Variants in KCNH7 observed in about 807,000 individuals in gnomAD.
The protein encoded by KCNH7 is potassium voltage-gated channel subfamily H member 7.
Under a neutral mutation model 120.8 loss-of-function variants are expected in KCNH7, and 49 were observed. The observed-to-expected ratio is 0.41, with a 90% CI of 0.32 to 0.51. The LOEUF is 0.51. Among genes scored for constraint, KCNH7 ranks in the 20% least tolerant of loss-of-function variants. KCNH7 has a pLI of 0.38. For synonymous variants in KCNH7, 547 were observed against 516.1 expected (o/e 1.06, Z -0.81); for missense variants, 1,097 against 1,446.6 (o/e 0.76, Z 3.92).
intron 2 of KCNH7, among the ~76,000 whole-genome samples, chr2:162,790,959 A>G (rs911846842): frequency 9.2e-5 from 14 of 152,100 alleles, no homozygotes; most frequent in African/African-American, 3.4e-4. Flanking sequence ...AGTACTTGAA[A>G]TCTTAGCTGA....
chr2:162,420,929 A>T (rs565763582), intron 9 of KCNH7, among the ~76,000 whole-genome samples: 31 of 152,312 alleles, frequency 2.0e-4, no homozygotes, highest in African/African-American at 7.5e-4. Context: ...GGAGGTAAAA[A>T]AAATCCATTT....
At chr2:162,764,171 A>G (rs16847255) in intron 2 of KCNH7, among the ~76,000 whole-genome samples, 5,620 of 152,236 alleles carry the variant, frequency 0.037, 377 homozygotes, top group African/African-American at 0.13. Flanking sequence ...TGGAAAACTC[A>G]TGTCAGAGTA....
At chr2:162,430,576 G>A (rs1464416844) in intron 8 of KCNH7, among the ~76,000 whole-genome samples, 2 of 151,982 alleles carry the variant, frequency 1.3e-5, no homozygotes, top group Non-Finnish European at 2.9e-5. Context: ...AAGATAACAC[G>A]TGGCCCATAT....
At chr2:162,804,458 G>T (rs1390885971) in intron 2 of KCNH7, among the ~76,000 whole-genome samples, 1 of 151,732 alleles carries the variant, frequency 6.6e-6, no homozygotes, top group Non-Finnish European at 1.5e-5. Context: ...ATCAAATGAA[G>T]AACTTAATCT....
intron 2 of KCNH7, among the ~76,000 whole-genome samples, chr2:162,551,516 A>G (rs779867154): frequency 1.3e-5 from 2 of 152,174 alleles, no homozygotes; most frequent in Non-Finnish European, 2.9e-5. Flanking sequence ...GTCATTAATT[A>G]AAATTAGAAA....
intron 2 of KCNH7, among the ~76,000 whole-genome samples, chr2:162,734,905 A>G (rs16847212): frequency 0.038 from 5,713 of 152,248 alleles, 343 homozygotes; most frequent in African/African-American, 0.13. Context: ...TGAAAGCAAC[A>G]AACTTAGATG....
At position 162,648,250 on chromosome 2, in the gene KCNH7, G is replaced by C. The variant is rs190783534; in HGVS notation, c.308-111170C>G. Among the ~76,000 whole-genome samples the C allele has an allele frequency of 6.1e-3, 927 of 152,232 alleles. 12 individuals are homozygous for C. The highest frequency in any genetic ancestry group is 0.027 in the South Asian group (130 of 4,828). On this transcript the variant is annotated intron_variant, in intron 2 of 15. Transcript: ENST00000332142. ...TACAATCATGGTGGAAGGCAAAGGG[G>C]AAGCAAGCACATCTTCACATGGTGG...
At chr2:162,603,934 G>T (rs1694644362) in intron 2 of KCNH7, among the ~76,000 whole-genome samples, 1 of 151,992 alleles carries the variant, frequency 6.6e-6, no homozygotes, top group African/African-American at 2.4e-5. Flanking sequence ...ATACCTAATT[G>T]TGTTTAAATA....
At chr2:162,801,672 G>A (rs538607412) in intron 2 of KCNH7, among the ~76,000 whole-genome samples, 11 of 151,832 alleles carry the variant, frequency 7.2e-5, no homozygotes, top group East Asian at 5.8e-4. Context: ...TCATTGTGGC[G>A]GATTAGACTT....
chr2:162,500,155 G>T (rs1192494657), intron 6 of KCNH7, among the ~76,000 whole-genome samples: 1 of 147,308 alleles, frequency 6.8e-6, no homozygotes, highest in African/African-American at 2.5e-5. Flanking sequence ...TATACATATT[G>T]ATATACATTT....
chr2:162,830,247 G>T (rs1685429424), intron 2 of KCNH7, among the ~76,000 whole-genome samples: 1 of 152,052 alleles, frequency 6.6e-6, no homozygotes, highest in South Asian at 2.1e-4. Flanking sequence ...TATAGGTAAA[G>T]AAAAACTTCT....
At chr2:162,774,049 G>T (rs1291059277) in intron 2 of KCNH7, among the ~76,000 whole-genome samples, 1 of 152,086 alleles carries the variant, frequency 6.6e-6, no homozygotes, top group Non-Finnish European at 1.5e-5. Context: ...GAGCTCCAGT[G>T]TCATGGATTA....
chr2:162,531,006 C>A (rs1397715937), intron 3 of KCNH7, among the ~76,000 whole-genome samples: 1 of 151,794 alleles, frequency 6.6e-6, no homozygotes, highest in Non-Finnish European at 1.5e-5. Context: ...TAATCAAAAC[C>A]GATATACAGG....
chr2:162,517,262 T>A (rs1369602226), intron 4 of KCNH7, among the ~76,000 whole-genome samples: 1 of 151,800 alleles, frequency 6.6e-6, no homozygotes, highest in Non-Finnish European at 1.5e-5. Flanking sequence ...TGCACCCCTG[T>A]CAGCTTACAG....
chr2:162,810,867 C>A (rs947865318), intron 2 of KCNH7, among the ~76,000 whole-genome samples: 1 of 151,856 alleles, frequency 6.6e-6, no homozygotes, highest in Admixed American at 6.6e-5. Flanking sequence ...ACCTTCTTTT[C>A]GTAAATTAAA....
intron 2 of KCNH7, among the ~76,000 whole-genome samples, chr2:162,829,971 T>G (rs1482620938): frequency 6.6e-6 from 1 of 152,034 alleles, no homozygotes; most frequent in Non-Finnish European, 1.5e-5. Flanking sequence ...ACACAGAAAT[T>G]AATAAGACTT....
Position 162,608,018 on chromosome 2 carries a change from C to T in KCNH7, c.308-70938G>A, listed in dbSNP as rs115472221. 5.3e-3 allele frequency among the ~76,000 whole-genome samples: 809 copies of T among 152,224 alleles called. 7 individuals are homozygous for T. Among genetic ancestry groups the T allele is most frequent in the African/African-American group, 0.016 (680 of 41,534 alleles). On this transcript the variant is annotated intron_variant, in intron 2 of 15. Coordinates refer to ENST00000332142, the MANE Select transcript of KCNH7 (RefSeq NM_033272.4). ...TTTAGATGTTTCTAGACCTAATAAA[C>T]GTTCCAAATTTATATTTCCTAGACA... is the stretch of plus-strand genomic sequence containing the variant.
intron 2 of KCNH7, among the ~76,000 whole-genome samples, chr2:162,539,209 A>G (rs527681850): frequency 6.6e-6 from 1 of 152,230 alleles, no homozygotes; most frequent in African/African-American, 2.4e-5. Context: ...GCCAGGCATC[A>G]CAGCACACAC....
chr2:162,434,691 T>C (rs936046247), intron 8 of KCNH7, among the ~76,000 whole-genome samples: 3 of 148,736 alleles, frequency 2.0e-5, no homozygotes, highest in African/African-American at 7.8e-5. Context: ...TAAATTGGTA[T>C]GTGTATGTTG....
Sources: gnomAD v4.1 joint callset for allele counts (sites outside exome capture counted in the v4.1 genomes callset) on GRCh38, gnomAD v4.1.1 for gene constraint, MANE v1.5 for transcripts, NCBI Gene and HGNC (gene_info 2026-07-23, HGNC 2026-07-21) for gene names.